Variants in MPP7 observed in about 807,000 individuals in gnomAD.
MPP7 encodes MAGUK p55 scaffold protein 7.
A neutral mutation model predicts 76.5 loss-of-function variants in MPP7; 60 were observed. That is an observed-to-expected ratio of 0.78 (90% CI 0.64 to 0.97). The LOEUF (loss-of-function observed/expected upper bound fraction) is 0.97. MPP7 is among the 50% of genes least tolerant of loss of function. The pLI is 0.00. For synonymous variants in MPP7, 237 were observed against 244.5 expected, an observed-to-expected ratio of 0.97 and a Z score of 0.29; for missense variants, 641 against 694.0, an observed-to-expected ratio of 0.92 and a Z score of 0.86.
At chr10:28,174,268 G>A (rs1361405356) in intron 3 of MPP7, among the ~76,000 whole-genome samples, 10 of 152,220 alleles carry the variant, frequency 6.6e-5, no homozygotes, top group Non-Finnish European at 1.3e-4. Context: ...GCCCCACTAA[G>A]TCTCATGTTG....
intron 2 of MPP7, among the ~76,000 whole-genome samples, chr10:28,214,886 C>T (rs927883971): frequency 2.6e-5 from 4 of 152,108 alleles, no homozygotes; most frequent in African/African-American, 9.7e-5. Context: ...GCCTCTGGTT[C>T]CAAGAGTCTG....
chr10:28,079,369 C>G (rs1157239963), intron 12 of MPP7, among the ~76,000 whole-genome samples: 1 of 149,264 alleles, frequency 6.7e-6, no homozygotes, highest in Non-Finnish European at 1.5e-5. Flanking sequence ...AAGAAAGAAA[C>G]AAGCCAGGTG....
chr10:28,120,435 ATG>A lies in MPP7; in HGVS notation c.691-47_691-46del. On this transcript the variant is annotated intron_variant, in intron 9 of 16. Transcript: ENST00000683449. ...AAAGATGAATAAAGATAAAAAATAA[ATG>A]TGAAATGGCCTATATTCTCCTAACT... is the stretch of plus-strand genomic sequence containing the variant. 3.8e-6 allele frequency: 6 copies of A among 1,563,816 alleles called. No individual in the cohort carries two copies. In the South Asian group the frequency reaches 6.9e-5, roughly 18 times the overall value.
At chr10:28,119,597 G>A in intron 11 of MPP7, 54 bp downstream of exon 11, 1 of 1,483,432 alleles carries the variant, frequency 6.7e-7, no homozygotes, top group African/African-American at 1.4e-5. Context: ...TGCTTTAATA[G>A]TCAAAAATAA....
In MPP7 at chr10:28,054,138, T is replaced by C. The variant is rs147221652; in HGVS notation, c.1658A>G (p.Asn553Ser). The change falls in exon 17 of 17, where the codon AAT (asparagine) becomes AGT (serine). Residue 553 changes from asparagine to serine, a missense_variant. Asn to Ser is a conservative substitution (Grantham distance 46). Transcript: ENST00000683449. ...TTTGTCAAAAGTTGTTTTGAGCTCA[T>C]TGAATGCCACAGTGAGGTCATCATT... ...IINDDLTVAF[N>S]ELKTTFDKLE... 4.1e-4 allele frequency: 664 copies of C among 1,612,904 alleles called. 7 individuals carry two copies. In the East Asian group the frequency reaches 0.011, roughly 27 times the overall value.
intron 1 of MPP7, among the ~76,000 whole-genome samples, chr10:28,282,700 G>A (rs2133103092): frequency 6.6e-6 from 1 of 152,098 alleles, no homozygotes; most frequent in Admixed American, 6.5e-5. Context: ...AGAAATGGAG[G>A]AACTAAGCTC....
At chr10:28,195,094 A>G (rs1837537305) in intron 3 of MPP7, among the ~76,000 whole-genome samples, 1 of 152,222 alleles carries the variant, frequency 6.6e-6, no homozygotes, top group African/African-American at 2.4e-5. Context: ...CCAATTGGAC[A>G]TTTCTCCAAA....
At chr10:28,087,452 G>A (rs1051641852) in intron 12 of MPP7, among the ~76,000 whole-genome samples, 10 of 151,366 alleles carry the variant, frequency 6.6e-5, no homozygotes, top group African/African-American at 1.7e-4. Flanking sequence ...CTGGAGTACC[G>A]TGATGCAATC....
At chr10:28,298,012 T>G (rs888353306) in intron 1 of MPP7, among the ~76,000 whole-genome samples, 38 of 152,236 alleles carry the variant, frequency 2.5e-4, no homozygotes, top group African/African-American at 8.4e-4. Flanking sequence ...AGTCATATTT[T>G]CAGGGTCTAC....
chr10:28,085,719 A>G (rs949988712), intron 12 of MPP7, among the ~76,000 whole-genome samples: 1 of 152,150 alleles, frequency 6.6e-6, no homozygotes, highest in African/African-American at 2.4e-5. Flanking sequence ...TCCCTGTTGG[A>G]AGACAAAGGG....
chr10:28,156,887 T>G (rs1010427571), intron 3 of MPP7, among the ~76,000 whole-genome samples: 1 of 151,846 alleles, frequency 6.6e-6, no homozygotes, highest in Non-Finnish European at 1.5e-5. Context: ...CAAGAAAAAG[T>G]GTAACAGTGA....
At chr10:28,262,385 C>T (rs924112684) in intron 1 of MPP7, among the ~76,000 whole-genome samples, 9 of 149,000 alleles carry the variant, frequency 6.0e-5, no homozygotes, top group African/African-American at 2.0e-4. Context: ...TGTGAGCCAC[C>T]ATGCCCAGCC....
intron 1 of MPP7, among the ~76,000 whole-genome samples, chr10:28,302,629 C>A (rs914838336): frequency 1.3e-5 from 2 of 152,058 alleles, no homozygotes; most frequent in African/African-American, 4.8e-5. Context: ...CAGGGGTCCT[C>A]AGGGTCCCGC....
rs574409232 is a variant in MPP7 at position 28,082,967 on chromosome 10, T to C, written c.1123+6704A>G. 4.3e-4 allele frequency among the ~76,000 whole-genome samples: 65 copies of C among 152,320 alleles called. 1 individual carries two copies. Among genetic ancestry groups the C allele is most frequent in the African/African-American group, 1.4e-3 (58 of 41,568 alleles). ...GCATCTTTGCACAGATTATTTTGTT[T>C]AACCCTCAAAACAAACCTAGAAAGT... On this transcript the variant is annotated intron_variant, in intron 12 of 16. Transcript: ENST00000683449.
intron 1 of MPP7, among the ~76,000 whole-genome samples, chr10:28,255,407 G>A (rs997439682): frequency 6.7e-6 from 1 of 149,622 alleles, no homozygotes; most frequent in African/African-American, 2.5e-5. Context: ...CCACCGCCTG[G>A]CCCACCTTTT....
chr10:28,217,821 T>G (rs16928606), intron 2 of MPP7, among the ~76,000 whole-genome samples: 1 of 152,126 alleles, frequency 6.6e-6, no homozygotes, highest in Admixed American at 6.5e-5. Flanking sequence ...TGTCAAACAA[T>G]AGAGAACCGT....
At chr10:28,185,121 G>A (rs2133923292) in intron 3 of MPP7, among the ~76,000 whole-genome samples, 1 of 147,982 alleles carries the variant, frequency 6.8e-6, no homozygotes, top group Admixed American at 6.8e-5. Context: ...TTAAGGTCAG[G>A]AGTTCGAGAC....
chr10:28,199,177 C>A (rs1177554077), intron 3 of MPP7, among the ~76,000 whole-genome samples: 2 of 152,006 alleles, frequency 1.3e-5, no homozygotes, highest in African/African-American at 2.4e-5. Flanking sequence ...GGGAAACCAC[C>A]CCCCACGATT....
intron 12 of MPP7, among the ~76,000 whole-genome samples, chr10:28,079,958 C>T: frequency 6.7e-6 from 1 of 149,906 alleles, no homozygotes; most frequent in Non-Finnish European, 1.5e-5. Flanking sequence ...TCCATCTCTA[C>T]TAAAAATTTA....
Sources: gnomAD v4.1 joint callset for allele counts (sites outside exome capture counted in the v4.1 genomes callset) on GRCh38, gnomAD v4.1.1 for gene constraint, MANE v1.5 for transcripts, NCBI Gene and HGNC (gene_info 2026-07-23, HGNC 2026-07-21) for gene names.